The following SLC12A6 variants were observed in gnomAD, a reference collection of about 807,000 sequenced individuals.
SLC12A6 encodes the protein solute carrier family 12 member 6, also known as K-Cl cotransporter 3.
A neutral mutation model predicts 135.3 loss-of-function variants in SLC12A6; 66 were observed. The observed-to-expected ratio is 0.49, with a 90% confidence interval of 0.40 to 0.60. The LOEUF is 0.60. SLC12A6 is among the 20% of genes least tolerant of loss of function. The pLI is 0.00. For missense variants in SLC12A6, 1,058 were observed against 1,452.3 expected, an observed-to-expected ratio of 0.73 and a Z score of 4.41; for synonymous variants, 513 against 508.8, an observed-to-expected ratio of 1.01 and a Z score of -0.11.
rs1895179024 is a variant in SLC12A6, at chr15:34,287,488, T to C, written c.272-12099A>G. Among the ~76,000 whole-genome samples the C allele has an allele frequency of 2.0e-5, 3 of 152,224 alleles. No homozygotes were observed. In the South Asian group the frequency reaches 6.2e-4, roughly 32 times the overall value. On this transcript the variant is annotated intron_variant, in intron 2 of 25. Coordinates refer to ENST00000354181, the MANE Select transcript of SLC12A6 (RefSeq NM_001365088.1). The stretch of plus-strand genomic sequence containing the variant: ...AATGATTTATAATCCTTTGGGTATA[T>C]GCCCAGTAATGGGATTGCTGGGTCA...
chr15:34,278,475 G>T (rs1300646876), intron 2 of SLC12A6, among the ~76,000 whole-genome samples: 1 of 152,080 alleles, frequency 6.6e-6, no homozygotes, highest in Non-Finnish European at 1.5e-5. Context: ...ATACTTTCTT[G>T]CCTTCTAAGC....
At position 34,290,140 on chromosome 15, in the gene SLC12A6, C is replaced by T. The variant is rs28825472; in HGVS notation, c.272-14751G>A. ...AGTGCTACAAGTTTCCCTTTACACA[C>T]TTCTTTAAATGTGTCCCAGAGATTC... is the stretch of plus-strand genomic sequence containing the variant. On this transcript the variant is annotated intron_variant, in intron 2 of 25. Coordinates refer to ENST00000354181, the MANE Select transcript of SLC12A6 (RefSeq NM_001365088.1). 4.8e-3 allele frequency among the ~76,000 whole-genome samples: 730 copies of T among 152,310 alleles called. 7 individuals are homozygous for T. Among genetic ancestry groups the T allele is most frequent in the African/African-American group, 0.016 (683 of 41,558 alleles).
chr15:34,314,011 C>G (rs1450677206), intron 2 of SLC12A6, among the ~76,000 whole-genome samples: 1 of 150,632 alleles, frequency 6.6e-6, no homozygotes, highest in Non-Finnish European at 1.5e-5. Context: ...ACAACAAAGC[C>G]TGAATAGCAG....
At chr15:34,265,371 A>G (rs1047605008) in intron 3 of SLC12A6, among the ~76,000 whole-genome samples, 1 of 151,798 alleles carries the variant, frequency 6.6e-6, no homozygotes, top group African/African-American at 2.4e-5. Flanking sequence ...GTTACAGAAG[A>G]CAGAAAGTAA....
intron 13 of SLC12A6, 120 bp downstream of exon 13, chr15:34,250,178 T>G: frequency 1.3e-6 from 1 of 773,372 alleles, no homozygotes; most frequent in Non-Finnish European, 2.4e-6. Flanking sequence ...GTGCCGGGAT[T>G]ACAGGCATGA....
intron 2 of SLC12A6, among the ~76,000 whole-genome samples, chr15:34,298,301 C>T (rs1480913440): frequency 6.6e-6 from 1 of 151,878 alleles, no homozygotes; most frequent in Non-Finnish European, 1.5e-5. Context: ...ATGGTGAAAC[C>T]CCGTTTCTAC....
intron 5 of SLC12A6, among the ~76,000 whole-genome samples, chr15:34,258,438 G>T (rs1480038279): frequency 1.3e-5 from 2 of 152,158 alleles, no homozygotes; most frequent in East Asian, 3.8e-4. Flanking sequence ...CCATCAGCTA[G>T]ATCTCTCCTC....
intron 2 of SLC12A6, among the ~76,000 whole-genome samples, chr15:34,283,154 C>T (rs983551389): frequency 1.3e-5 from 2 of 152,050 alleles, no homozygotes; most frequent in Non-Finnish European, 2.9e-5. Flanking sequence ...ACCAGCCTGG[C>T]CAACATGGTG....
intron 2 of SLC12A6, among the ~76,000 whole-genome samples, chr15:34,311,079 G>C (rs1888220673): frequency 6.6e-6 from 1 of 152,052 alleles, no homozygotes; most frequent in Non-Finnish European, 1.5e-5. Context: ...TTACTGTTTG[G>C]AGATGCTCTT....
intron 20 of SLC12A6, 140 bp from the exon 21 acceptor site, chr15:34,238,541 G>A (rs368985019): frequency 2.9e-5 from 21 of 713,966 alleles, no homozygotes; most frequent in Admixed American, 1.5e-4. Context: ...TTCTCATTAC[G>A]TATCAAAAAC....
At chr15:34,284,799 T>C (rs941389406) in intron 2 of SLC12A6, among the ~76,000 whole-genome samples, 1 of 151,992 alleles carries the variant, frequency 6.6e-6, no homozygotes, top group East Asian at 1.9e-4. Context: ...AGAGGACTAG[T>C]GGGAGAGTGG....
At chr15:34,290,543 T>G (rs1187887158) in intron 2 of SLC12A6, among the ~76,000 whole-genome samples, 1 of 152,210 alleles carries the variant, frequency 6.6e-6, no homozygotes, top group Non-Finnish European at 1.5e-5. Context: ...TTGTTAATTT[T>G]CTGTCTCGTC....
At chr15:34,291,255 G>A (rs1311032490) in intron 2 of SLC12A6, among the ~76,000 whole-genome samples, 31 of 152,106 alleles carry the variant, frequency 2.0e-4, no homozygotes, top group Admixed American at 2.0e-3. Flanking sequence ...TAGTTTGGCT[G>A]GATATGAAAT....
chr15:34,268,996 A>G (rs923476780), intron 3 of SLC12A6, among the ~76,000 whole-genome samples: 11 of 152,052 alleles, frequency 7.2e-5, no homozygotes, highest in African/African-American at 2.7e-4. Context: ...AGCTGGAATT[A>G]TAGGCGCCTG....
chr15:34,243,957 A>G lies in SLC12A6; in HGVS notation c.2042+17T>C, dbSNP rs1211532154. The G allele has an allele frequency of 2.1e-6, 3 of 1,425,902 alleles. No homozygotes were observed. Among genetic ancestry groups the G allele is most frequent in the Non-Finnish European group, 3.0e-6 (3 of 1,008,202 alleles). The allele number at this position is 1,425,902 out of a possible 1,614,324, so 88.3% of individuals were successfully genotyped here. A position where few individuals can be genotyped will look rare whatever the true frequency, so the allele number is the denominator to read the frequency against. Reference sequence around the variant, plus strand: ...CTCTCCAAACGTGAGTAAAAAGAATAAAAGAAGCAGACTTACCAATGGTAG... The same window carrying G: ...CTCTCCAAACGTGAGTAAAAAGAATGAAAGAAGCAGACTTACCAATGGTAG... On this transcript the variant is annotated intron_variant, in intron 16 of 25. Coordinates refer to ENST00000354181, the MANE Select transcript of SLC12A6 (RefSeq NM_001365088.1).
intron 9 of SLC12A6, among the ~76,000 whole-genome samples, chr15:34,253,385 T>C (rs903157402): frequency 5.9e-5 from 9 of 152,216 alleles, no homozygotes; most frequent in Non-Finnish European, 1.5e-5. Flanking sequence ...AATTGAGATA[T>C]AACCAGAATG....
intron 2 of SLC12A6, among the ~76,000 whole-genome samples, chr15:34,320,267 A>G (rs1385620334): frequency 3.3e-5 from 5 of 152,256 alleles, no homozygotes; most frequent in Non-Finnish European, 5.9e-5. Flanking sequence ...ACACATGAGT[A>G]TATGAAGAAA....
Position 34,236,111 on chromosome 15 carries a change from T to G in SLC12A6, c.3131A>C (p.Lys1044Thr). 6.2e-7 allele frequency: 1 copy of G among 1,613,608 alleles called. No individual in the cohort carries two copies. The highest frequency in any genetic ancestry group is 1.3e-5 in the African/African-American group (1 of 75,040). ...GTCTTTTGTCCAAGTCATGTGCACC[T>G]TCTCCTGATAGGTTTCTGTCTCTTC... is the stretch of plus-strand genomic sequence containing the variant. Reference protein sequence around the residue: ...EDEETETYQEKVHMTWTKDKY... With the variant: ...EDEETETYQETVHMTWTKDKY... The change falls in exon 24 of 26, where the codon AAG (lysine) becomes ACG (threonine). Residue 1044 changes from lysine (K) to threonine (T), a missense_variant. Lys to Thr is a moderately conservative substitution (Grantham distance 78, BLOSUM62 -1). Transcript: ENST00000354181.
intron 2 of SLC12A6, among the ~76,000 whole-genome samples, chr15:34,301,442 G>A (rs1896250428): frequency 6.6e-6 from 1 of 152,176 alleles, no homozygotes; most frequent in Non-Finnish European, 1.5e-5. Context: ...GAGACCAAGG[G>A]CTCAGAATGC....
Sources: gnomAD v4.1 joint callset for allele counts (sites outside exome capture counted in the v4.1 genomes callset) on GRCh38, gnomAD v4.1.1 for gene constraint, MANE v1.5 for transcripts, NCBI Gene and HGNC (gene_info 2026-07-23, HGNC 2026-07-21) for gene names.